Variants in INPP4B observed in about 807,000 individuals in gnomAD.
INPP4B encodes the protein inositol polyphosphate 4-phosphatase type II.
A neutral mutation model predicts 122.5 loss-of-function variants in INPP4B; 55 were observed. That is an observed-to-expected ratio of 0.45 (90% CI 0.36 to 0.56). INPP4B has a LOEUF of 0.56. Among genes scored for constraint, INPP4B ranks in the 20% least tolerant of loss-of-function variants. The pLI is 0.00. For missense variants in INPP4B, 1,000 were observed against 1,097.7 expected (o/e 0.91, Z 1.26); for synonymous variants, 403 against 388.7 (o/e 1.04, Z -0.43).
At chr4:142,260,850 C>A (rs965752101) in intron 10 of INPP4B, among the ~76,000 whole-genome samples, 1 of 152,118 alleles carries the variant, frequency 6.6e-6, no homozygotes, top group Admixed American at 6.5e-5. Flanking sequence ...GAGATATGTT[C>A]CTAGCACAGT....
At chr4:142,575,146 C>T (rs1461942993) in intron 2 of INPP4B, among the ~76,000 whole-genome samples, 12 of 151,792 alleles carry the variant, frequency 7.9e-5, no homozygotes, top group Non-Finnish European at 1.3e-4. Flanking sequence ...ATGTTAACCA[C>T]GTTATTTGGC....
rs370631789 is a variant in INPP4B, at chr4:142,425,770, A to G, written c.136+3403T>C. Among the ~76,000 whole-genome samples, 19 of 152,148 alleles carry G rather than the reference A, an allele frequency of 1.2e-4. No homozygotes were observed. In the East Asian group the frequency reaches 1.7e-3, roughly 14 times the overall value. On this transcript the variant is annotated intron_variant, in intron 5 of 25. Transcript: ENST00000262992. ...TCTTTCTGTCTACATAGAACTTAAC[A>G]CTATCTGAAATGATTTTATATACAG...
intron 12 of INPP4B, among the ~76,000 whole-genome samples, chr4:142,212,259 G>C (rs995042792): frequency 1.3e-5 from 2 of 152,106 alleles, no homozygotes; most frequent in African/African-American, 2.4e-5. Context: ...AGATTTAAAA[G>C]AGCAGTAATA....
At chr4:142,809,231 T>C (rs1224983139) in intron 1 of INPP4B, among the ~76,000 whole-genome samples, 1 of 152,134 alleles carries the variant, frequency 6.6e-6, no homozygotes, top group Non-Finnish European at 1.5e-5. Flanking sequence ...TTCTTATTTT[T>C]TATTTCTGTG....
At chr4:142,761,802 A>C (rs1317114887) in intron 1 of INPP4B, among the ~76,000 whole-genome samples, 1 of 152,182 alleles carries the variant, frequency 6.6e-6, no homozygotes, top group Non-Finnish European at 1.5e-5. Context: ...TTATATATTC[A>C]AATACAAATC....
At chr4:142,125,955 T>C (rs1312120248) in intron 18 of INPP4B, among the ~76,000 whole-genome samples, 2 of 152,146 alleles carry the variant, frequency 1.3e-5, no homozygotes, top group Admixed American at 6.6e-5. Flanking sequence ...AAGTTTTGGG[T>C]AGTATTTGGG....
chr4:142,137,261 C>T (rs1804943094), intron 18 of INPP4B, among the ~76,000 whole-genome samples: 2 of 149,008 alleles, frequency 1.3e-5, no homozygotes, highest in South Asian at 4.4e-4. Context: ...CTTTGACAAA[C>T]CTGAGAAAAA....
chr4:142,635,238 G>C (rs1227433880), intron 2 of INPP4B, among the ~76,000 whole-genome samples: 1 of 152,078 alleles, frequency 6.6e-6, no homozygotes, highest in Non-Finnish European at 1.5e-5. Flanking sequence ...AGAGAAAAGG[G>C]AACACTTATA....
intron 5 of INPP4B, among the ~76,000 whole-genome samples, chr4:142,415,398 GA>G (rs1304417684): frequency 6.6e-6 from 1 of 152,100 alleles, no homozygotes; most frequent in African/African-American, 2.4e-5. Context: ...AAAGACACAT[GA>G]AAAAATGCTC....
intron 9 of INPP4B, among the ~76,000 whole-genome samples, chr4:142,304,786 T>C (rs559621374): frequency 3.9e-5 from 6 of 152,284 alleles, no homozygotes; most frequent in Admixed American, 3.3e-4. Flanking sequence ...AAAGTTACTA[T>C]ATGATTAGAA....
intron 1 of INPP4B, among the ~76,000 whole-genome samples, chr4:142,776,246 C>T (rs1773899919): frequency 6.6e-6 from 1 of 152,142 alleles, no homozygotes; most frequent in Non-Finnish European, 1.5e-5. Flanking sequence ...GAGTGTAGCT[C>T]ATAGAGGAAG....
At chr4:142,061,881 CACACATATATATATATATAT>C (rs1200111561) in intron 25 of INPP4B, among the ~76,000 whole-genome samples, 10 of 8,108 alleles carry the variant, frequency 1.2e-3, no homozygotes, top group African/African-American at 2.2e-3. Flanking sequence ...CACACACACA[CACACATATATATATATATAT>C]ATATATATAT....
At chr4:142,780,630 T>C (rs561258123) in intron 1 of INPP4B, among the ~76,000 whole-genome samples, 12 of 152,106 alleles carry the variant, frequency 7.9e-5, no homozygotes, top group South Asian at 2.1e-4. Context: ...AACCCCTGTC[T>C]CTACTAAATA....
chr4:142,378,942 G>A (rs1291581407), intron 7 of INPP4B, among the ~76,000 whole-genome samples: 1 of 152,106 alleles, frequency 6.6e-6, no homozygotes, highest in South Asian at 2.1e-4. Flanking sequence ...TGTAGTAGTT[G>A]CTAACATATG....
intron 2 of INPP4B, among the ~76,000 whole-genome samples, chr4:142,587,634 G>T (rs888203390): frequency 1.3e-5 from 2 of 152,026 alleles, no homozygotes; most frequent in Admixed American, 1.3e-4. Flanking sequence ...TCACATCAGG[G>T]TAAATTGGAT....
At chr4:142,652,498 A>G (rs1753197940) in intron 2 of INPP4B, among the ~76,000 whole-genome samples, 1 of 152,190 alleles carries the variant, frequency 6.6e-6, no homozygotes, top group Non-Finnish European at 1.5e-5. Flanking sequence ...AATCTCCTTA[A>G]GCTGATCAGC....
In INPP4B at chr4:142,027,759, T is replaced by A. The variant is rs1242616548; in HGVS notation, c.*1023A>T. The A allele has an allele frequency of 6.4e-6, 1 of 155,892 alleles. No individual in the cohort carries two copies. Among genetic ancestry groups the A allele is most frequent in the Non-Finnish European group, 1.4e-5 (1 of 70,190 alleles). The allele number at this position is 155,892 out of a possible 1,614,324, so 9.7% of individuals were successfully genotyped here. ...TTTGGGATTTTGGAAAACTTATAAA[T>A]GTTATTTTGCTGAGTAAGGGCAAGG... On this transcript the variant is annotated 3_prime_UTR_variant, in exon 26 of 26. Transcript: ENST00000262992.
At chr4:142,260,136 C>T (rs1285173987) in intron 11 of INPP4B, among the ~76,000 whole-genome samples, 1 of 152,122 alleles carries the variant, frequency 6.6e-6, no homozygotes, top group Non-Finnish European at 1.5e-5. Context: ...AGGCACGGGC[C>T]ACCATGCCCA....
chr4:142,271,061 T>A (rs1745573460), intron 9 of INPP4B, among the ~76,000 whole-genome samples: 1 of 151,828 alleles, frequency 6.6e-6, no homozygotes, highest in Non-Finnish European at 1.5e-5. Flanking sequence ...CCTCCCAGAT[T>A]CAAGAGATTC....
Sources: allele counts gnomAD v4.1 joint callset (sites outside exome capture counted in the v4.1 genomes callset), GRCh38; gene constraint gnomAD v4.1.1; transcripts MANE v1.5; gene names NCBI Gene and HGNC (gene_info 2026-07-23, HGNC 2026-07-21).